DPEP1: variants seen among roughly 807,000 people sequenced by gnomAD.
DPEP1 encodes dipeptidase 1, also known as beta-lactamase.
A neutral mutation model predicts 42.3 loss-of-function variants in DPEP1; 50 were observed. That is an observed-to-expected ratio of 1.18 (90% CI 0.94 to 1.50). The LOEUF is 1.50. Among genes scored for constraint, DPEP1 ranks in the 40% most tolerant of loss-of-function variants. The pLI is 0.00. For missense variants in DPEP1, 663 were observed against 553.0 expected (o/e 1.20, Z -1.99); for synonymous variants, 297 against 234.0 (o/e 1.27, Z -2.46).
chr16:89,630,469 G>C lies in DPEP1; in HGVS notation c.59G>C (p.Arg20Pro). The change falls in exon 2 of 11, where the codon CGG (arginine) becomes CCG (proline). Residue 20 changes from arginine (R) to proline (P), a missense_variant. Physicochemically the swap from Arg to Pro is moderately radical, Grantham distance 103 (BLOSUM62 -2). Coordinates refer to ENST00000690203, the MANE Select transcript of DPEP1 (RefSeq NM_001389466.1). ...GCCGTCTGCACTGCAGACTTCTTTC[G>C]GGACGAGGCAGAGAGGATCATGAGG... The part of the protein sequence containing the change: ...LVAVCTADFF[R>P]DEAERIMRDS... 2.5e-6 allele frequency: 4 copies of C among 1,610,244 alleles called. No individual in the cohort carries two copies. Among genetic ancestry groups the C allele is most frequent in the Admixed American group, 1.7e-5 (1 of 59,626 alleles).
chr16:89,626,699 C>G (rs2059517734), intron 1 of DPEP1, among the ~76,000 whole-genome samples: 1 of 151,584 alleles, frequency 6.6e-6, no homozygotes, highest in Non-Finnish European at 1.5e-5. Context: ...CCCTCAAACT[C>G]TCTCCCCCGC....
At position 89,637,678 on chromosome 16, in the gene DPEP1, T is replaced by C; in HGVS notation, c.900T>C (p.Gly300=). ...AGGTGGCAGGAGCCAGAGCCGTGGGTTTTGGTGGGGACTTTGATGGTGTTC... is the reference window on the plus strand; with the variant it reads ...AGGTGGCAGGAGCCAGAGCCGTGGGCTTTGGTGGGGACTTTGATGGTGTTC... ...IKEVAGARAV[G]FGGDFDGVPR... The change falls in exon 9 of 11, where the codon GGT becomes GGC. Residue 300 remains glycine (G), a synonymous_variant. Transcript: ENST00000690203. 6.2e-7 allele frequency: 1 copy of C among 1,612,506 alleles called. No homozygotes were observed. Among genetic ancestry groups the C allele is most frequent in the Non-Finnish European group, 8.5e-7 (1 of 1,179,904 alleles).
downstream of DPEP1, among the ~76,000 whole-genome samples, chr16:89,640,123 T>C (rs573804785): frequency 6.6e-6 from 1 of 152,176 alleles, no homozygotes; most frequent in Non-Finnish European, 1.5e-5. Context: ...TAGGTGGAGC[T>C]TGGGGCTCAG....
chr16:89,636,499 T>A (rs1408372900), intron 4 of DPEP1, 34 bp from the exon 5 acceptor site: 1 of 1,603,790 alleles, frequency 6.2e-7, no homozygotes, highest in African/African-American at 1.3e-5. Flanking sequence ...AGATACCAGG[T>A]GCCCACTCCC....
chr16:89,613,506 C>A, upstream of DPEP1: 1 of 152,570 alleles, frequency 6.6e-6, no homozygotes. Context: ...GGCCCTTTCT[C>A]TCCAACCTTC....
chr16:89,617,273 C>T (rs1320360095), intron 1 of DPEP1, among the ~76,000 whole-genome samples: 1 of 152,148 alleles, frequency 6.6e-6, no homozygotes, highest in Non-Finnish European at 1.5e-5. Flanking sequence ...AGACTCACGG[C>T]TGAGCTGGGT....
rs1254357668 is a variant in DPEP1, at chr16:89,616,849, CCAGGAAGCAGG to C, written c.-107+3138_-107+3148del. 3.1e-5 allele frequency: 7 copies of C among 226,986 alleles called. 1 individual carries two copies. The highest frequency in any genetic ancestry group is 1.9e-4 in the South Asian group (5 of 26,138). 14.1% of individuals were successfully genotyped at this position (226,986 alleles called of 1,614,324 possible). ...TGGCCAGGAAGCGGACAGGAAGTGG[CCAGGAAGCAGG>C]CAGGAAGTGGGCAGGAAGCGGCCGG... On this transcript the variant is annotated intron_variant, in intron 1 of 10. Coordinates refer to ENST00000690203, the MANE Select transcript of DPEP1 (RefSeq NM_001389466.1).
intron 1 of DPEP1, among the ~76,000 whole-genome samples, chr16:89,625,361 C>G (rs12930346): frequency 2.1e-4 from 32 of 152,058 alleles, no homozygotes; most frequent in Middle Eastern, 3.4e-3. Flanking sequence ...TCGTTTTAAC[C>G]GTCAGTTCTC....
chr16:89,622,970 G>C (rs34657084), intron 1 of DPEP1, among the ~76,000 whole-genome samples: 9 of 152,106 alleles, frequency 5.9e-5, no homozygotes, highest in Admixed American at 1.3e-4. Flanking sequence ...GCTCAGCTCA[G>C]ACGTTGCAGG....
At chr16:89,637,120 A>G in intron 6 of DPEP1, 84 bp from the exon 7 acceptor site, 1 of 1,546,332 alleles carries the variant, frequency 6.5e-7, no homozygotes, top group South Asian at 1.2e-5. Flanking sequence ...ACGAAGGATG[A>G]TGACTCACAT....
chr16:89,631,931 T>G (rs1255423718), intron 2 of DPEP1, among the ~76,000 whole-genome samples: 1 of 152,084 alleles, frequency 6.6e-6, no homozygotes, highest in African/African-American at 2.4e-5. Flanking sequence ...CCTCATGGTT[T>G]AAAATGGCCA....
intron 1 of DPEP1, among the ~76,000 whole-genome samples, chr16:89,619,992 TC>T (rs1029382369): frequency 1.3e-4 from 18 of 142,138 alleles, no homozygotes; most frequent in South Asian, 4.8e-4. Flanking sequence ...AGGCCTGGCC[TC>T]CCCCCGCCTG....
Position 89,637,831 on chromosome 16 carries a change from C to T in DPEP1, c.930-5C>T, listed in dbSNP as rs2059704467. 1.2e-6 allele frequency: 2 copies of T among 1,612,606 alleles called. No homozygotes were observed. Among genetic ancestry groups the T allele is most frequent in the Non-Finnish European group, 1.7e-6 (2 of 1,179,886 alleles). On this transcript the variant is annotated splice_region_variant and splice_polypyrimidine_tract_variant and intron_variant, in intron 9 of 10. Transcript: ENST00000690203. ...GGGGCCCAGGTTCTCCTGGCCTCAA[C>T]ACAGGGTCCCTGAGGGGCTGGAGGA... is the stretch of plus-strand genomic sequence containing the variant.
At position 89,638,358 on chromosome 16, in the gene DPEP1, C is replaced by T. The variant is rs2059712204; in HGVS notation, c.*136C>T. 1.4e-6 allele frequency: 2 copies of T among 1,425,100 alleles called. No homozygotes were observed. Among genetic ancestry groups the T allele is most frequent in the African/African-American group, 1.4e-5 (1 of 69,578 alleles). The allele number at this position is 1,425,100 out of a possible 1,614,324, so 88.3% of individuals were successfully genotyped here. On this transcript the variant is annotated 3_prime_UTR_variant, in exon 11 of 11. Coordinates refer to ENST00000690203, the MANE Select transcript of DPEP1 (RefSeq NM_001389466.1). ...CTCCTGAGAGGACGCCTGGGCTTACCTGGGGGGCAGGATGCCTGGGGACAG... is the reference window on the plus strand; with the variant it reads ...CTCCTGAGAGGACGCCTGGGCTTACTTGGGGGGCAGGATGCCTGGGGACAG...
intron 2 of DPEP1, 55 bp downstream of exon 2, chr16:89,630,569 G>A: frequency 2.5e-6 from 2 of 810,370 alleles, no homozygotes; most frequent in East Asian, 6.1e-5. Context: ...AACTGGGGCT[G>A]GGAGAGCGGG....
intron 1 of DPEP1, among the ~76,000 whole-genome samples, chr16:89,627,970 G>A (rs968960309): frequency 4.0e-5 from 6 of 149,658 alleles, no homozygotes; most frequent in Non-Finnish European, 7.4e-5. Flanking sequence ...TCGCCCAGGC[G>A]GGAGTGCAGT....
chr16:89,614,780 G>A (rs1319173787), intron 1 of DPEP1, among the ~76,000 whole-genome samples: 1 of 152,198 alleles, frequency 6.6e-6, no homozygotes, highest in African/African-American at 2.4e-5. Context: ...GAGTGACAGA[G>A]CGAGACTCCG....
intron 1 of DPEP1, among the ~76,000 whole-genome samples, chr16:89,626,975 C>T (rs936655572): frequency 2.0e-5 from 3 of 150,242 alleles, no homozygotes; most frequent in African/African-American, 7.4e-5. Context: ...ATTAGTCAGA[C>T]GTGGGGCCAG....
At chr16:89,625,622 A>C (rs912497474) in intron 1 of DPEP1, among the ~76,000 whole-genome samples, 3 of 152,202 alleles carry the variant, frequency 2.0e-5, no homozygotes, top group African/African-American at 7.2e-5. Context: ...GGGAGGTTGC[A>C]GAGTCCAGAG....
Sources: gnomAD v4.1 joint callset for allele counts (sites outside exome capture counted in the v4.1 genomes callset) on GRCh38, gnomAD v4.1.1 for gene constraint, MANE v1.5 for transcripts, NCBI Gene and HGNC (gene_info 2026-07-23, HGNC 2026-07-21) for gene names.